Variants in CFI observed in about 807,000 individuals in gnomAD.
The protein encoded by CFI is C3B/C4B inactivator.
In CFI, 66 loss-of-function variants were observed where a neutral mutation model predicts 78.8. The observed-to-expected ratio is 0.84, with a 90% CI of 0.69 to 1.03. The LOEUF is 1.03. Ranked by LOEUF, CFI falls within the 50% of genes least tolerant of loss-of-function variation. The pLI, the probability that CFI is intolerant of heterozygous loss-of-function variation, is 0.00. For missense variants in CFI, 706 were observed against 704.5 expected, an observed-to-expected ratio of 1.00 and a Z score of -0.02; for synonymous variants, 250 against 232.6, an observed-to-expected ratio of 1.07 and a Z score of -0.68.
At chr4:109,738,733 C>T (rs541508535), downstream of CFI, among the ~76,000 whole-genome samples, 3 of 152,280 alleles carry the variant, frequency 2.0e-5, no homozygotes, top group South Asian at 6.2e-4. Flanking sequence ...TGCAGAGAGA[C>T]ATATCTGAGA....
downstream of CFI, among the ~76,000 whole-genome samples, chr4:109,736,813 A>G (rs1262858534): frequency 6.6e-6 from 1 of 152,092 alleles, no homozygotes; most frequent in Non-Finnish European, 1.5e-5. Flanking sequence ...CGTATTTCCT[A>G]TCACGTACTG....
At chr4:109,770,868 G>A (rs1241430847) in intron 1 of CFI, among the ~76,000 whole-genome samples, 1 of 152,134 alleles carries the variant, frequency 6.6e-6, no homozygotes, top group African/African-American at 2.4e-5. Context: ...AAAAGCTTAG[G>A]AACTGGGGGA....
chr4:109,756,775 C>T (rs931599638), intron 7 of CFI, among the ~76,000 whole-genome samples: 1 of 151,356 alleles, frequency 6.6e-6, no homozygotes, highest in Non-Finnish European at 1.5e-5. Flanking sequence ...CAGAGAATTG[C>T]TTAAACCCGG....
At chr4:109,790,260 T>G (rs1156810191) in intron 1 of CFI, among the ~76,000 whole-genome samples, 1 of 152,056 alleles carries the variant, frequency 6.6e-6, no homozygotes, top group African/African-American at 2.4e-5. Context: ...AAGAACGAAC[T>G]TGTGATTTCA....
At chr4:109,735,291 A>G in the CFI span, among the ~76,000 whole-genome samples, 1 of 152,182 alleles carries the variant, frequency 6.6e-6, no homozygotes. Flanking sequence ...TCCCAGAACA[A>G]TAATCAGGAT....
chr4:109,783,812 G>GAGATATTCAT lies in CFI; in HGVS notation c.58-16989_58-16988insATGAATATCT, dbSNP rs375076885. 0.011 allele frequency among the ~76,000 whole-genome samples: 1,236 copies of GAGATATTCAT among 113,030 alleles called. 76 individuals carry two copies. In the East Asian group the frequency reaches 0.13, roughly 12 times the overall value. The allele number at this position is 113,030 out of a possible 152,430, so 74.2% of individuals were successfully genotyped here. A position where few individuals can be genotyped will look rare whatever the true frequency, so the allele number is the denominator to read the frequency against. The stretch of plus-strand genomic sequence containing the variant: ...TTCAATGAGTGGATAAAGAAACTGT[G>GAGATATTCAT]ATATATATATATATATATATATGAT... On this transcript the variant is annotated intron_variant, in intron 1 of 12. Transcript: ENST00000394634.
chr4:109,765,002 G>A (rs1274686403), intron 2 of CFI, among the ~76,000 whole-genome samples: 2 of 152,168 alleles, frequency 1.3e-5, no homozygotes, highest in Non-Finnish European at 2.9e-5. Flanking sequence ...GCCAGGATTT[G>A]GAACTTGCTC....
At chr4:109,764,947 C>T (rs1727548380) in intron 2 of CFI, among the ~76,000 whole-genome samples, 1 of 152,130 alleles carries the variant, frequency 6.6e-6, no homozygotes, top group African/African-American at 2.4e-5. Context: ...CATTTTTACA[C>T]AAGGAACCTC....
At chr4:109,768,166 A>G (rs1424829118) in intron 1 of CFI, among the ~76,000 whole-genome samples, 15 of 150,892 alleles carry the variant, frequency 9.9e-5, no homozygotes, top group Non-Finnish European at 8.9e-5. Flanking sequence ...TAGCATTTGG[A>G]GATATACCTA....
intron 1 of CFI, among the ~76,000 whole-genome samples, chr4:109,772,411 CTG>C (rs1212009297): frequency 6.6e-6 from 1 of 152,154 alleles, no homozygotes; most frequent in Non-Finnish European, 1.5e-5. Context: ...CTATGTACAC[CTG>C]TGTTTTGAAT....
intron 1 of CFI, among the ~76,000 whole-genome samples, chr4:109,777,702 C>T (rs1729446703): frequency 6.6e-6 from 1 of 152,192 alleles, no homozygotes; most frequent in East Asian, 1.9e-4. Context: ...CCACATCACA[C>T]TTATTCCAAA....
At chr4:109,791,709 A>G (rs1397022613) in intron 1 of CFI, among the ~76,000 whole-genome samples, 3 of 152,070 alleles carry the variant, frequency 2.0e-5, no homozygotes, top group Admixed American at 6.5e-5. Flanking sequence ...TCCTTTCCCC[A>G]TTGCTTCTTT....
chr4:109,769,979 C>A, intron 1 of CFI, among the ~76,000 whole-genome samples: 1 of 152,174 alleles, frequency 6.6e-6, no homozygotes, highest in East Asian at 1.9e-4. Flanking sequence ...TCCAAGGGAA[C>A]CTGTGGGAAG....
Position 109,789,697 on chromosome 4 carries a change from T to C in CFI, c.57+12218A>G, listed in dbSNP as rs565698750. ...AATTATCACAGAGGGAAATCTGATC[T>C]ATACAAATAAATTAAGGATACTGGA... On this transcript the variant is annotated intron_variant, in intron 1 of 12. Coordinates refer to ENST00000394634, the MANE Select transcript of CFI (RefSeq NM_000204.5). Among the ~76,000 whole-genome samples, 29 of 152,190 alleles carry C rather than the reference T, an allele frequency of 1.9e-4. No homozygotes were observed. The South Asian group carries it at 6.0e-3, about 32-fold the overall frequency.
chr4:109,733,275 C>T, the CFI span, among the ~76,000 whole-genome samples: 1 of 152,200 alleles, frequency 6.6e-6, no homozygotes, highest in Admixed American at 6.5e-5. Flanking sequence ...CCCAGCTCAT[C>T]TCACGTAACT....
intron 1 of CFI, among the ~76,000 whole-genome samples, chr4:109,778,976 C>T (rs1162926965): frequency 2.0e-5 from 3 of 152,034 alleles, no homozygotes; most frequent in East Asian, 1.9e-4. Context: ...ATTGATGGGA[C>T]GTATCTCAAA....
intron 1 of CFI, among the ~76,000 whole-genome samples, chr4:109,774,558 G>A (rs76037274): frequency 6.1e-4 from 93 of 152,256 alleles, no homozygotes; most frequent in African/African-American, 2.0e-3. Context: ...AGGAGATCAG[G>A]TCACAGAATT....
At chr4:109,766,912 A>C in intron 1 of CFI, 88 bp from the exon 2 acceptor site, 2 of 1,318,260 alleles carry the variant, frequency 1.5e-6, no homozygotes, top group Non-Finnish European at 2.2e-6. Context: ...AGCAAAACAG[A>C]TACAGCCCAC....
At chr4:109,787,291 G>A (rs1730862404) in intron 1 of CFI, among the ~76,000 whole-genome samples, 1 of 152,110 alleles carries the variant, frequency 6.6e-6, no homozygotes, top group African/African-American at 2.4e-5. Flanking sequence ...TGGATCCCAA[G>A]AGTTAACAAC....
Sources: allele counts gnomAD v4.1 joint callset (sites outside exome capture counted in the v4.1 genomes callset), GRCh38; gene constraint gnomAD v4.1.1; transcripts MANE v1.5; gene names NCBI Gene and HGNC (gene_info 2026-07-23, HGNC 2026-07-21).